The following HS6ST3 variants were observed in gnomAD, a reference collection of about 807,000 sequenced individuals.
The protein encoded by HS6ST3 is heparan-sulfate 6-O-sulfotransferase 3.
HS6ST3 carries 12 observed loss-of-function variants against 36.7 expected under a neutral mutation model. That is an observed-to-expected ratio of 0.33 (90% CI 0.21 to 0.53). The LOEUF is 0.53. HS6ST3 is among the 20% of genes least tolerant of loss of function. The probability of loss-of-function intolerance (pLI) is 0.95; values close to 1 mark genes in which losing one functional copy is unlikely to be tolerated. For missense variants in HS6ST3, 584 were observed against 640.9 expected, an observed-to-expected ratio of 0.91 and a Z score of 0.96; for synonymous variants, 240 against 257.5, an observed-to-expected ratio of 0.93 and a Z score of 0.65.
At chr13:96,478,106 A>G (rs962226551) in intron 1 of HS6ST3, among the ~76,000 whole-genome samples, 5 of 152,082 alleles carry the variant, frequency 3.3e-5, no homozygotes, top group Non-Finnish European at 7.4e-5. Flanking sequence ...GCTCAGAGAG[A>G]AAAAATAGGA....
intron 1 of HS6ST3, among the ~76,000 whole-genome samples, chr13:96,492,040 A>T (rs1016139809): frequency 6.6e-6 from 1 of 152,126 alleles, no homozygotes; most frequent in Admixed American, 6.6e-5. Context: ...TCTCAATGGC[A>T]TATTCATTTT....
At chr13:96,297,727 T>C (rs1054338309) in intron 1 of HS6ST3, among the ~76,000 whole-genome samples, 2 of 152,162 alleles carry the variant, frequency 1.3e-5, no homozygotes, top group African/African-American at 4.8e-5. Flanking sequence ...GATGAAGGCA[T>C]TTGTGATTTC....
chr13:96,639,712 A>C (rs1291418593), intron 1 of HS6ST3, among the ~76,000 whole-genome samples: 1 of 151,850 alleles, frequency 6.6e-6, no homozygotes, highest in African/African-American at 2.4e-5. Context: ...ACCCTCCCCC[A>C]AAAATAGTCC....
intron 1 of HS6ST3, among the ~76,000 whole-genome samples, chr13:96,432,780 T>C (rs1001578925): frequency 3.3e-5 from 5 of 151,874 alleles, no homozygotes; most frequent in Non-Finnish European, 7.3e-5. Context: ...AAATTACTTA[T>C]AATTATATCT....
At position 96,091,545 on chromosome 13, in the gene HS6ST3, G is replaced by A. The variant is rs759999343; in HGVS notation, c.683G>A (p.Cys228Tyr). Residue 228 changes from cysteine (C) to tyrosine (Y), a missense_variant, in exon 1 of 2, where the codon TGT becomes TAT. Cys to Tyr is a radical substitution (Grantham distance 194, BLOSUM62 -2). This residue lies in a region of HS6ST3 where 360 missense variants were observed against 411.3 expected (regional missense o/e 0.88). Coordinates refer to ENST00000376705, the MANE Select transcript of HS6ST3 (RefSeq NM_153456.4). ...CVPAIMEKKDCPRNHSHTRNF... is the reference protein window; with the variant it reads ...CVPAIMEKKDYPRNHSHTRNF... ...CCGGCCATCATGGAGAAGAAGGACTGTCCCCGCAACCACAGCCACACCAGG... is the reference window on the plus strand; with the variant it reads ...CCGGCCATCATGGAGAAGAAGGACTATCCCCGCAACCACAGCCACACCAGG... 14 of 1,584,344 alleles carry A rather than the reference G, an allele frequency of 8.8e-6. No homozygotes were observed. Among genetic ancestry groups the A allele is most frequent in the Middle Eastern group, 1.7e-4 (1 of 6,060 alleles).
In HS6ST3 at chr13:96,406,464, C is replaced by T. The variant is rs1263816978; in HGVS notation, c.707+314895C>T. Among the ~76,000 whole-genome samples, 4 of 152,176 alleles carry T rather than the reference C, an allele frequency of 2.6e-5. No individual in the cohort carries two copies. In the East Asian group the frequency reaches 7.7e-4, roughly 29 times the overall value. On this transcript the variant is annotated intron_variant, in intron 1 of 1. Coordinates refer to ENST00000376705, the MANE Select transcript of HS6ST3 (RefSeq NM_153456.4). ...CTATTCATTAGCTATAAACTGAACA[C>T]TGAAGTGCTGTATGTATTCATCTTG...
chr13:96,708,983 G>A (rs1169119227), intron 1 of HS6ST3, among the ~76,000 whole-genome samples: 2 of 152,012 alleles, frequency 1.3e-5, no homozygotes, highest in Non-Finnish European at 2.9e-5. Flanking sequence ...GATATGATTT[G>A]GCTCTGTGTC....
chr13:96,804,668 A>G (rs1594864344), intron 1 of HS6ST3, among the ~76,000 whole-genome samples: 1 of 152,034 alleles, frequency 6.6e-6, no homozygotes, highest in South Asian at 2.1e-4. Context: ...TCCTTCCTTC[A>G]GTGCAGTTTC....
At chr13:96,658,268 C>CTTTTTTTTTTTTTTTTTTTTTTGTTTTTT (rs2056633106) in intron 1 of HS6ST3, among the ~76,000 whole-genome samples, 1 of 76,190 alleles carries the variant, frequency 1.3e-5, no homozygotes, top group Non-Finnish European at 2.4e-5. Flanking sequence ...TCTTCTTCTT[C>CTTTTTTTTTTTTTTTTTTTTTTGTTTTTT]TTTTTTTTTT....
chr13:96,563,518 T>C (rs2056270217), intron 1 of HS6ST3, among the ~76,000 whole-genome samples: 1 of 152,198 alleles, frequency 6.6e-6, no homozygotes, highest in South Asian at 2.1e-4. Flanking sequence ...TTTACTTTTA[T>C]GCTTGAAAAA....
intron 1 of HS6ST3, among the ~76,000 whole-genome samples, chr13:96,187,865 T>G (rs1333090741): frequency 6.6e-6 from 1 of 152,182 alleles, no homozygotes; most frequent in East Asian, 1.9e-4. Flanking sequence ...CAGTGATAAC[T>G]TCCTTCTCTC....
intron 1 of HS6ST3, among the ~76,000 whole-genome samples, chr13:96,738,221 G>A (rs1339318436): frequency 4.6e-5 from 7 of 152,148 alleles, no homozygotes; most frequent in African/African-American, 2.4e-5. Flanking sequence ...AGACGTTACC[G>A]AAGGCTGATG....
chr13:96,198,496 C>T (rs2054325631), intron 1 of HS6ST3, among the ~76,000 whole-genome samples: 1 of 152,172 alleles, frequency 6.6e-6, no homozygotes, highest in Admixed American at 6.5e-5. Flanking sequence ...AAACTAAATG[C>T]CTTTAACAGT....
At chr13:96,142,235 A>G (rs2054035665) in intron 1 of HS6ST3, among the ~76,000 whole-genome samples, 1 of 152,236 alleles carries the variant, frequency 6.6e-6, no homozygotes, top group Non-Finnish European at 1.5e-5. Context: ...ATCAATTTCC[A>G]TTAAAATTAG....
chr13:96,338,147 G>C (rs2055111268), intron 1 of HS6ST3, among the ~76,000 whole-genome samples: 1 of 151,930 alleles, frequency 6.6e-6, no homozygotes, highest in Non-Finnish European at 1.5e-5. Context: ...TTGGTCCTCA[G>C]ATTTTCTAGA....
At chr13:96,516,007 CT>C (rs2056070825) in intron 1 of HS6ST3, among the ~76,000 whole-genome samples, 1 of 151,736 alleles carries the variant, frequency 6.6e-6, no homozygotes, top group Non-Finnish European at 1.5e-5. Context: ...CATTGTTATT[CT>C]AGTACACTCT....
At chr13:96,488,844 A>G (rs2055929659) in intron 1 of HS6ST3, among the ~76,000 whole-genome samples, 1 of 152,064 alleles carries the variant, frequency 6.6e-6, no homozygotes, top group African/African-American at 2.4e-5. Flanking sequence ...GTACCTGTGA[A>G]TATATTTCCT....
At chr13:96,502,291 A>C (rs1266396713) in intron 1 of HS6ST3, among the ~76,000 whole-genome samples, 1 of 151,422 alleles carries the variant, frequency 6.6e-6, no homozygotes, top group Non-Finnish European at 1.5e-5. Context: ...TGATTTCTAC[A>C]GCTTTCTGGT....
chr13:96,511,661 C>T (rs1015191767), intron 1 of HS6ST3, among the ~76,000 whole-genome samples: 1 of 150,680 alleles, frequency 6.6e-6, no homozygotes, highest in Non-Finnish European at 1.5e-5. Context: ...GAACATCTCC[C>T]GATCTATCAT....
Sources: gnomAD v4.1 joint callset for allele counts (sites outside exome capture counted in the v4.1 genomes callset) on GRCh38, gnomAD v4.1.1 for gene constraint, gnomAD v4.1.1 regional missense constraint, MANE v1.5 for transcripts, NCBI Gene and HGNC (gene_info 2026-07-23, HGNC 2026-07-21) for gene names.